The following PCDHGB4 variants were observed in gnomAD, a reference collection of about 807,000 sequenced individuals.
The protein encoded by PCDHGB4 is protocadherin gamma-B4.
A neutral mutation model predicts 60.5 loss-of-function variants in PCDHGB4; 38 were observed. That is an observed-to-expected ratio of 0.63 (90% CI 0.48 to 0.82). The LOEUF (loss-of-function observed/expected upper bound fraction) is 0.82. Among genes scored for constraint, PCDHGB4 ranks in the 40% least tolerant of loss-of-function variants. The probability of loss-of-function intolerance (pLI) is 0.00; values close to 1 mark genes in which losing one functional copy is unlikely to be tolerated. For missense variants in PCDHGB4, 1,109 were observed against 1,209.6 expected, an observed-to-expected ratio of 0.92 and a Z score of 1.23; for synonymous variants, 456 against 509.7, an observed-to-expected ratio of 0.89 and a Z score of 1.42.
chr5:141,420,910 G>T, intron 1 of PCDHGB4: 1 of 311,900 alleles, frequency 3.2e-6, no homozygotes, highest in South Asian at 7.0e-5. Context: ...ACAAATACGT[G>T]TGATTCACAA....
At position 141,400,119 on chromosome 5, in the gene PCDHGB4, G is replaced by A. The variant is rs543287685; in HGVS notation, c.2397+9838G>A. ...TGCACTTGGTCTTTGCTGACAGCTTGCAGGAGGTGCTGCCGGATATCACTG... is the reference window on the plus strand; with the variant it reads ...TGCACTTGGTCTTTGCTGACAGCTTACAGGAGGTGCTGCCGGATATCACTG... On this transcript the variant is annotated intron_variant, in intron 1 of 3. Transcript: ENST00000519479. 3 of 1,614,076 alleles carry A rather than the reference G, an allele frequency of 1.9e-6. No individual in the cohort carries two copies. The Admixed American group carries it at 5.0e-5, about 27-fold the overall frequency.
chr5:141,398,752 C>G lies in PCDHGB4; in HGVS notation c.2397+8471C>G, dbSNP rs1196162576. On this transcript the variant is annotated intron_variant, in intron 1 of 3. Coordinates refer to ENST00000519479, the MANE Select transcript of PCDHGB4 (RefSeq NM_003736.4). ...AGACCGGGAACAACAGAGTTACCAT[C>G]GTTTAGTCCTGACTGCCTTGGACGG... is the stretch of plus-strand genomic sequence containing the variant. The G allele has an allele frequency of 7.4e-6, 12 of 1,613,482 alleles. No homozygotes were observed. In the South Asian group the frequency reaches 1.2e-4, roughly 16 times the overall value.
chr5:141,394,987 T>G (rs2093144127), intron 1 of PCDHGB4: 1 of 1,613,874 alleles, frequency 6.2e-7, no homozygotes, highest in South Asian at 1.1e-5. Context: ...TCACGCCTGC[T>G]CCAGGATTCC....
At chr5:141,392,991 G>A in intron 1 of PCDHGB4, 1 of 1,613,904 alleles carries the variant, frequency 6.2e-7, no homozygotes, top group Middle Eastern at 1.7e-4. Flanking sequence ...CCGGAAGCTG[G>A]CGAAGCACGG....
At chr5:141,497,722 T>C (rs1395904793) in intron 2 of PCDHGB4, among the ~76,000 whole-genome samples, 1 of 152,030 alleles carries the variant, frequency 6.6e-6, no homozygotes, top group Non-Finnish European at 1.5e-5. Flanking sequence ...GTATTTTTAG[T>C]AGAGATGGGT....
intron 1 of PCDHGB4, chr5:141,410,044 C>T (rs1220745023): frequency 1.7e-5 from 27 of 1,613,184 alleles, no homozygotes; most frequent in Admixed American, 3.3e-5. Context: ...CCAGTGAGCC[C>T]GGACTCTTCA....
At chr5:141,418,015 G>T (rs1385008648) in intron 1 of PCDHGB4, 1 of 1,613,964 alleles carries the variant, frequency 6.2e-7, no homozygotes, top group Non-Finnish European at 8.5e-7. Context: ...ACCTCGCTAA[G>T]GATCTAGGGC....
At chr5:141,436,793 C>T (rs752376420) in intron 1 of PCDHGB4, among the ~76,000 whole-genome samples, 4 of 152,178 alleles carry the variant, frequency 2.6e-5, no homozygotes, top group Non-Finnish European at 5.9e-5. Flanking sequence ...TAAAACTGTT[C>T]TAAAATTTTT....
chr5:141,483,786 C>T (rs2099587125), intron 1 of PCDHGB4, among the ~76,000 whole-genome samples: 1 of 152,136 alleles, frequency 6.6e-6, no homozygotes, highest in African/African-American at 2.4e-5. Context: ...AGGATAAGAA[C>T]TCCAGTTGTT....
chr5:141,489,283 G>A lies in PCDHGB4; in HGVS notation c.2398-5524G>A. The A allele has an allele frequency of 6.4e-7, 1 of 1,569,594 alleles. No homozygotes were observed. Among genetic ancestry groups the A allele is most frequent in the Admixed American group, 1.8e-5 (1 of 55,646 alleles). ...CCCACAGCTCGCTGGGAAATGGCAA[G>A]TGCTGTGCATGTTGTCCTTGTGCTG... On this transcript the variant is annotated intron_variant, in intron 1 of 3. Coordinates refer to ENST00000519479, the MANE Select transcript of PCDHGB4 (RefSeq NM_003736.4). This position sits in a 1 kb window ranked among gnomAD's most constrained non-coding sequence, Gnocchi z 4.5.
At position 141,431,338 on chromosome 5, in the gene PCDHGB4, A is replaced by G; in HGVS notation, c.2397+41057A>G. On this transcript the variant is annotated intron_variant, in intron 1 of 3. Transcript: ENST00000519479. This position sits in a 1 kb window ranked among gnomAD's most constrained non-coding sequence, Gnocchi z 4.8. ...GAGCCGACGGTAGTAAGTACCCCGA[A>G]TTGGTGCTGAAACGCGCCCTGGACC... 1 of 1,614,068 alleles carries G rather than the reference A, an allele frequency of 6.2e-7. No homozygotes were observed. The highest frequency in any genetic ancestry group is 8.5e-7 in the Non-Finnish European group (1 of 1,180,032).
chr5:141,408,299 A>C, intron 1 of PCDHGB4: 1 of 1,613,662 alleles, frequency 6.2e-7, no homozygotes, highest in Non-Finnish European at 8.5e-7. Context: ...GAGTGAGCCG[A>C]TCCGCTACTC....
chr5:141,388,135 T>C lies in PCDHGB4; in HGVS notation c.251T>C (p.Leu84Ser). 6.9e-7 allele frequency: 1 copy of C among 1,452,398 alleles called. No individual in the cohort carries two copies. The highest frequency in any genetic ancestry group is 9.5e-7 in the Non-Finnish European group (1 of 1,052,526). The allele number at this position is 1,452,398 out of a possible 1,614,324, so 90.0% of individuals were successfully genotyped here. Reference sequence around the variant, plus strand: ...ACCGTGAGCGCAGAGAGCGGGGAGTTGCTTGTGAGCAGCAGGCTAGACAGG... The same window carrying C: ...ACCGTGAGCGCAGAGAGCGGGGAGTCGCTTGTGAGCAGCAGGCTAGACAGG... Reference protein sequence around the residue: ...YFTVSAESGELLVSSRLDREE... With the variant: ...YFTVSAESGESLVSSRLDREE... The change falls in exon 1 of 4, where the codon TTG becomes TCG. Residue 84 changes from leucine (L) to serine (S), a missense_variant. Leu to Ser is a moderately radical substitution (Grantham distance 145). Transcript: ENST00000519479.
intron 1 of PCDHGB4, among the ~76,000 whole-genome samples, chr5:141,444,786 T>C (rs1252217349): frequency 6.6e-6 from 1 of 152,226 alleles, no homozygotes; most frequent in Non-Finnish European, 1.5e-5. Context: ...CATGTTTCAT[T>C]TGTCTATTCT....
intron 1 of PCDHGB4, chr5:141,410,784 G>T (rs1352997810): frequency 1.2e-6 from 1 of 817,034 alleles, no homozygotes; most frequent in Non-Finnish European, 1.7e-6. Context: ...CTATGTATTT[G>T]GTTCATAAGT....
chr5:141,404,214 C>T lies in PCDHGB4; in HGVS notation c.2397+13933C>T, dbSNP rs1169013129. On this transcript the variant is annotated intron_variant, in intron 1 of 3. Coordinates refer to ENST00000519479, the MANE Select transcript of PCDHGB4 (RefSeq NM_003736.4). ...GAAAAAGCCTCAGAATATAATATCA[C>T]GGTGACTGCAACAGACAGAGGAACT... 11 of 1,613,562 alleles carry T rather than the reference C, an allele frequency of 6.8e-6. No individual in the cohort carries two copies. In the Admixed American group the frequency reaches 1.3e-4, roughly 20 times the overall value.
At chr5:141,423,265 G>C in intron 1 of PCDHGB4, 1 of 1,613,666 alleles carries the variant, frequency 6.2e-7, no homozygotes, top group Non-Finnish European at 8.5e-7. Flanking sequence ...CGGCAGCCTC[G>C]AGTCTCTGGC....
chr5:141,408,174 C>T, intron 1 of PCDHGB4: 3 of 1,531,244 alleles, frequency 2.0e-6, no homozygotes, highest in Non-Finnish European at 1.8e-6. Flanking sequence ...ACTGGAAAAG[C>T]GGGGACCCAG....
rs1241061038 is a variant in PCDHGB4 at position 141,394,846 on chromosome 5, T to C, written c.2397+4565T>C. ...GAAGTCCTGACCGAGTTGGGCAGTC[T>C]GAAGCCTTCGGTCGACCCGAACGAT... On this transcript the variant is annotated intron_variant, in intron 1 of 3. Coordinates refer to ENST00000519479, the MANE Select transcript of PCDHGB4 (RefSeq NM_003736.4). The C allele has an allele frequency of 1.9e-6, 3 of 1,613,732 alleles. No homozygotes were observed. In the African/African-American group the frequency reaches 4.0e-5, roughly 22 times the overall value.
Sources: allele counts gnomAD v4.1 joint callset (sites outside exome capture counted in the v4.1 genomes callset), GRCh38; gene constraint gnomAD v4.1.1; non-coding constraint Gnocchi (gnomAD v3.1); transcripts MANE v1.5; gene names NCBI Gene and HGNC (gene_info 2026-07-23, HGNC 2026-07-21).